The following ACOT7 variants were observed in gnomAD, a reference collection of about 807,000 sequenced individuals.
The protein encoded by ACOT7 is acyl-CoA thioesterase 7, also known as cytosolic acyl coenzyme A thioester hydrolase.
A neutral mutation model predicts 40.2 loss-of-function variants in ACOT7; 12 were observed. The ratio of observed to expected loss-of-function variants is 0.30; its 90% CI spans 0.19 to 0.48. The LOEUF is 0.48. Among genes scored for constraint, ACOT7 ranks in the 20% least tolerant of loss-of-function variants. The pLI is 0.99. For missense variants in ACOT7, 395 were observed against 530.8 expected, an observed-to-expected ratio of 0.74 and a Z score of 2.51; for synonymous variants, 228 against 219.5, an observed-to-expected ratio of 1.04 and a Z score of -0.34.
intron 1 of ACOT7, among the ~76,000 whole-genome samples, chr1:6,377,905 C>G (rs949848998): frequency 2.0e-5 from 3 of 152,058 alleles, no homozygotes; most frequent in African/African-American, 7.2e-5. Context: ...CCCGTCTCTA[C>G]TAAAAATACA....
intron 7 of ACOT7, among the ~76,000 whole-genome samples, chr1:6,285,231 C>G (rs1324634045): frequency 6.6e-6 from 1 of 152,196 alleles, no homozygotes; most frequent in East Asian, 1.9e-4. Context: ...TGGCCAGAGC[C>G]CCATTAGAGC....
At chr1:6,342,445 C>T (rs1388147873) in intron 2 of ACOT7, among the ~76,000 whole-genome samples, 1 of 152,176 alleles carries the variant, frequency 6.6e-6, no homozygotes, top group Non-Finnish European at 1.5e-5. Flanking sequence ...TTTCATAGCA[C>T]TCCAATGTAA....
At position 6,355,173 on chromosome 1, in the gene ACOT7, C is replaced by T. The variant is rs984747005; in HGVS notation, c.144-5307G>A. The stretch of plus-strand genomic sequence containing the variant: ...CGCCTGACCCACCCTTTGTGAAGGA[C>T]AGGGAACCATTCACAAATAGGGGAG... On this transcript the variant is annotated intron_variant, in intron 1 of 8. Coordinates refer to ENST00000361521, the MANE Select transcript of ACOT7 (RefSeq NM_007274.4). The surrounding 1 kb of genome is among the most constrained non-coding windows in gnomAD (Gnocchi z 5.0). 6.6e-6 allele frequency among the ~76,000 whole-genome samples: 1 copy of T among 152,108 alleles called. No individual in the cohort carries two copies. Among genetic ancestry groups the T allele is most frequent in the Non-Finnish European group, 1.5e-5 (1 of 68,028 alleles).
intron 1 of ACOT7, among the ~76,000 whole-genome samples, chr1:6,351,513 TC>T (rs996839248): frequency 6.6e-6 from 1 of 152,272 alleles, no homozygotes; most frequent in African/African-American, 2.4e-5. Flanking sequence ...CCCTTTGTTT[TC>T]CACTTAGTAG....
intron 8 of ACOT7, among the ~76,000 whole-genome samples, chr1:6,270,573 G>A (rs935862272): frequency 2.6e-5 from 4 of 152,238 alleles, no homozygotes; most frequent in African/African-American, 9.6e-5. Context: ...TGGAAGGGAT[G>A]GGGCAGCATG....
chr1:6,283,334 G>A (rs1383679708), intron 7 of ACOT7, among the ~76,000 whole-genome samples: 1 of 152,132 alleles, frequency 6.6e-6, no homozygotes. Flanking sequence ...GCTGATTTTT[G>A]TATCTTTTGT....
chr1:6,303,029 G>T (rs1275966080), intron 6 of ACOT7, among the ~76,000 whole-genome samples: 2 of 149,742 alleles, frequency 1.3e-5, no homozygotes, highest in African/African-American at 2.5e-5. Context: ...TTGCCAGAGG[G>T]AGCCACCCCG....
At chr1:6,310,926 C>T (rs868749161) in intron 6 of ACOT7, among the ~76,000 whole-genome samples, 5 of 152,100 alleles carry the variant, frequency 3.3e-5, no homozygotes, top group South Asian at 2.1e-4. Flanking sequence ...TTAGTAGAGA[C>T]GAGATTTCAT....
chr1:6,379,195 G>C (rs1642290016), intron 1 of ACOT7, among the ~76,000 whole-genome samples: 1 of 151,754 alleles, frequency 6.6e-6, no homozygotes, highest in Non-Finnish European at 1.5e-5. Flanking sequence ...CGCTCAGCCT[G>C]CTCAAGGGCT....
intron 1 of ACOT7, among the ~76,000 whole-genome samples, chr1:6,376,121 G>T (rs1460674880): frequency 1.3e-5 from 2 of 152,074 alleles, no homozygotes; most frequent in African/African-American, 2.4e-5. Flanking sequence ...CATGCGTGGT[G>T]GCAGGCGCCT....
At position 6,294,637 on chromosome 1, in the gene ACOT7, G is replaced by T. The variant is rs1352927403; in HGVS notation, c.829+227C>A. 6.6e-6 allele frequency among the ~76,000 whole-genome samples: 1 copy of T among 152,200 alleles called. No homozygotes were observed. The highest frequency in any genetic ancestry group is 1.5e-5 in the Non-Finnish European group (1 of 68,028). On this transcript the variant is annotated intron_variant, in intron 7 of 8. Transcript: ENST00000361521. The surrounding 1 kb of genome is among the most constrained non-coding windows in gnomAD (Gnocchi z 4.6). ...AGGGTGAGTTTAGGCAGGTCTTTAG[G>T]AGGATAATGGCCCCGTCATATCTGA...
At position 6,321,781 on chromosome 1, in the gene ACOT7, C is replaced by A. The variant is rs566552957; in HGVS notation, c.626-3203G>T. 9.8e-5 allele frequency among the ~76,000 whole-genome samples: 15 copies of A among 152,358 alleles called. 1 individual carries two copies. In the South Asian group the frequency reaches 3.1e-3, roughly 32 times the overall value. ...CCTCCCAAAGTGCTGGGATGACAGG[C>A]GTAAGCCACCGGGCCCAGCCAAGGC... is the stretch of plus-strand genomic sequence containing the variant. On this transcript the variant is annotated intron_variant, in intron 5 of 8. Transcript: ENST00000361521.
chr1:6,286,614 T>C (rs1391543834), intron 7 of ACOT7, among the ~76,000 whole-genome samples: 2 of 152,148 alleles, frequency 1.3e-5, no homozygotes, highest in African/African-American at 4.8e-5. Flanking sequence ...AGTTTCCTCA[T>C]CTGCAAATGC....
intron 7 of ACOT7, among the ~76,000 whole-genome samples, chr1:6,284,962 A>G (rs1465013769): frequency 6.6e-6 from 1 of 152,198 alleles, no homozygotes; most frequent in Admixed American, 6.5e-5. Flanking sequence ...AGGGCGGCTC[A>G]GCCCCCTCCA....
chr1:6,357,870 C>CTTT (rs148990897), intron 1 of ACOT7, among the ~76,000 whole-genome samples: 10 of 143,668 alleles, frequency 7.0e-5, no homozygotes, highest in African/African-American at 1.0e-4. Context: ...TGCTTCTCCT[C>CTTT]TTTTTTTTTT....
intron 8 of ACOT7, among the ~76,000 whole-genome samples, chr1:6,267,112 A>G (rs2148360103): frequency 6.6e-6 from 1 of 152,316 alleles, no homozygotes; most frequent in Admixed American, 6.5e-5. Flanking sequence ...TGAAAGCAGG[A>G]GAGAGCGAGC....
Position 6,281,159 on chromosome 1 carries a change from G to T in ACOT7, c.957C>A (p.Phe319Leu). ...SQKRYRAASA[F>L]FTYVSLSQEG... Reference sequence around the variant, plus strand: ...CCTGGCTCAGCGACACGTAGGTGAAGAAGGCACTGGCGGCCCGGTAGCGCT... The same window carrying T: ...CCTGGCTCAGCGACACGTAGGTGAATAAGGCACTGGCGGCCCGGTAGCGCT... The change falls in exon 8 of 9, where the codon TTC becomes TTA. Residue 319 changes from phenylalanine (F) to leucine (L), a missense_variant. Around this residue, in one of 2 missense-constraint regions of ACOT7, gnomAD observed 309 missense variants for 470.3 expected, o/e 0.66. Transcript: ENST00000361521. 2.5e-6 allele frequency: 4 copies of T among 1,614,164 alleles called. No individual in the cohort carries two copies. Among genetic ancestry groups the T allele is most frequent in the Non-Finnish European group, 3.4e-6 (4 of 1,180,048 alleles).
intron 2 of ACOT7, among the ~76,000 whole-genome samples, chr1:6,340,090 C>G (rs536060788): frequency 6.6e-6 from 1 of 151,852 alleles, no homozygotes; most frequent in East Asian, 1.9e-4. Flanking sequence ...CTCAGCCTCC[C>G]GAGTAGCTGG....
At chr1:6,332,197 C>G (rs1640974349) in intron 4 of ACOT7, among the ~76,000 whole-genome samples, 1 of 152,184 alleles carries the variant, frequency 6.6e-6, no homozygotes, top group African/African-American at 2.4e-5. Flanking sequence ...TATATCTCAG[C>G]CGGAGGAAAA....
Sources: gnomAD v4.1 joint callset for allele counts (sites outside exome capture counted in the v4.1 genomes callset) on GRCh38, gnomAD v4.1.1 for gene constraint, gnomAD v4.1.1 regional missense constraint, Gnocchi (gnomAD v3.1) non-coding constraint, MANE v1.5 for transcripts, NCBI Gene and HGNC (gene_info 2026-07-23, HGNC 2026-07-21) for gene names.